The following ZDHHC15 variants were observed in gnomAD, a reference collection of about 807,000 sequenced individuals.
ZDHHC15 encodes the protein zDHHC palmitoyltransferase 15.
A neutral mutation model predicts 31.7 loss-of-function variants in ZDHHC15; 19 were observed. The ratio of observed to expected loss-of-function variants is 0.60; its 90% CI spans 0.42 to 0.88. The LOEUF is 0.88. Among genes scored for constraint, ZDHHC15 ranks in the 40% least tolerant of loss-of-function variants. The pLI is 0.00. For missense variants in ZDHHC15, 209 were observed against 251.2 expected, an observed-to-expected ratio of 0.83 and a Z score of 1.14; for synonymous variants, 103 against 90.0, an observed-to-expected ratio of 1.14 and a Z score of -0.82.
At chrX:75,395,729 G>T (rs2083292985) in intron 10 of ZDHHC15, among the ~76,000 whole-genome samples, 1 of 111,358 alleles carries the variant, frequency 9.0e-6, no homozygotes, top group Non-Finnish European at 1.9e-5. Flanking sequence ...ACCCAGAATA[G>T]CCAAAGCTAT....
At chrX:75,452,112 C>T (rs748593752) in intron 3 of ZDHHC15, among the ~76,000 whole-genome samples, 9 of 108,693 alleles carry the variant, frequency 8.3e-5, no homozygotes, top group Non-Finnish European at 1.5e-4. Flanking sequence ...CAAGACCCAT[C>T]AGAGTGCTGT....
intron 4 of ZDHHC15, among the ~76,000 whole-genome samples, chrX:75,435,454 T>C (rs764254637): frequency 8.9e-6 from 1 of 112,231 alleles, no homozygotes; most frequent in East Asian, 2.8e-4. Context: ...CTTTTCCCCA[T>C]TCAGTATAAT....
chrX:75,428,233 G>A (rs1441241941), intron 7 of ZDHHC15, among the ~76,000 whole-genome samples: 2 of 111,025 alleles, frequency 1.8e-5, no homozygotes, highest in Admixed American at 1.9e-4. Context: ...TTGTGGGGAA[G>A]GGATATCTCC....
At chrX:75,422,054 T>A in intron 8 of ZDHHC15, 64 bp from the exon 9 acceptor site, 1 of 1,127,520 alleles carries the variant, frequency 8.9e-7, no homozygotes, top group Non-Finnish European at 1.2e-6. Context: ...AATTTCAGCA[T>A]AGTCATGATT....
At chrX:75,490,815 T>A (rs1309054235) in intron 2 of ZDHHC15, among the ~76,000 whole-genome samples, 5 of 111,933 alleles carry the variant, frequency 4.5e-5, no homozygotes, top group Non-Finnish European at 9.4e-5. Flanking sequence ...TGTATAAGAA[T>A]GCTTGTGATT....
At chrX:75,419,832 G>A (rs1341535663) in intron 9 of ZDHHC15, among the ~76,000 whole-genome samples, 4 of 105,882 alleles carry the variant, frequency 3.8e-5, no homozygotes, top group South Asian at 8.9e-4. Context: ...CATCATTCTC[G>A]GCAAACTATC....
intron 2 of ZDHHC15, chrX:75,501,491 C>T (rs970237319): frequency 2.7e-5 from 3 of 111,147 alleles, no homozygotes; most frequent in Non-Finnish European, 5.7e-5. Context: ...ATTGCTGGGT[C>T]GAATGGTATT....
chrX:75,453,209 T>C (rs1051333807), intron 3 of ZDHHC15, among the ~76,000 whole-genome samples: 2 of 110,906 alleles, frequency 1.8e-5, no homozygotes, highest in African/African-American at 3.3e-5. Context: ...AAAGGGGATA[T>C]CACCACCGAT....
intron 4 of ZDHHC15, among the ~76,000 whole-genome samples, chrX:75,448,559 T>C (rs1313249032): frequency 8.9e-6 from 1 of 112,231 alleles, no homozygotes; most frequent in Non-Finnish European, 1.9e-5. Context: ...TTTTATATCA[T>C]AGTATTTAGT....
chrX:75,409,347 C>G (rs148616976), intron 10 of ZDHHC15, among the ~76,000 whole-genome samples: 1 of 109,542 alleles, frequency 9.1e-6, no homozygotes, highest in Non-Finnish European at 1.9e-5. Flanking sequence ...AAAAATTAGA[C>G]AGGCATTGTG....
chrX:75,382,949 G>C (rs1196071131), intron 10 of ZDHHC15, among the ~76,000 whole-genome samples: 1 of 111,917 alleles, frequency 8.9e-6, no homozygotes, highest in Non-Finnish European at 1.9e-5. Flanking sequence ...AGAGGTGGGA[G>C]ATGCTTCCCA....
At chrX:75,453,564 G>A (rs1400204187) in intron 3 of ZDHHC15, among the ~76,000 whole-genome samples, 1 of 110,961 alleles carries the variant, frequency 9.0e-6, no homozygotes, top group Non-Finnish European at 1.9e-5. Context: ...TAACACCAAA[G>A]GCTGGCAGTG....
intron 3 of ZDHHC15, among the ~76,000 whole-genome samples, chrX:75,477,873 T>C (rs2084630920): frequency 8.9e-6 from 1 of 112,226 alleles, no homozygotes; most frequent in African/African-American, 3.2e-5. Context: ...TTACTTATTA[T>C]GAATAACTTC....
At position 75,450,603 on chromosome X, in the gene ZDHHC15, A is replaced by T; in HGVS notation, c.379+199T>A. On this transcript the variant is annotated intron_variant, in intron 4 of 11. Coordinates refer to ENST00000373367, the MANE Select transcript of ZDHHC15 (RefSeq NM_144969.3). ...TTAGCAGAAGAATCCAGTTTGGGGT[A>T]TACAGTTTGTTTACTATACAATTCT... The T allele has an allele frequency of 7.3e-6, 6 of 824,148 alleles. No individual in the cohort carries two copies. In the South Asian group the frequency reaches 1.3e-4, roughly 18 times the overall value. 67.9% of individuals were successfully genotyped at this position (824,148 alleles called of 1,213,427 possible).
At chrX:75,451,601 A>G (rs2084119620) in intron 3 of ZDHHC15, among the ~76,000 whole-genome samples, 1 of 111,860 alleles carries the variant, frequency 8.9e-6, no homozygotes, top group South Asian at 3.7e-4. Flanking sequence ...ACTGAGTTGA[A>G]AAAAAGGATC....
Position 75,438,414 on chromosome X carries a change from T to C in ZDHHC15, c.380-6894A>G, listed in dbSNP as rs186357501. Among the ~76,000 whole-genome samples, 376 of 106,410 alleles carry C rather than the reference T, an allele frequency of 3.5e-3. 1 individual carries two copies. The highest frequency in any genetic ancestry group is 0.012 in the African/African-American group (357 of 29,851). The allele number at this position is 106,410 out of a possible 115,157, so 92.4% of individuals were successfully genotyped here. A position where few individuals can be genotyped will look rare whatever the true frequency, so the allele number is the denominator to read the frequency against. On this transcript the variant is annotated intron_variant, in intron 4 of 11. Transcript: ENST00000373367. ...TAACTGTCCTTTTATCATTATATAA[T>C]GTCCCTCTTTGTCTTTTTAAACTGT...
chrX:75,416,997 C>T (rs766846387), intron 10 of ZDHHC15, 90 bp downstream of exon 10: 1 of 727,570 alleles, frequency 1.4e-6, no homozygotes, highest in Non-Finnish European at 2.1e-6. Flanking sequence ...ATGAGGTTGA[C>T]ATGCTTATAA....
intron 4 of ZDHHC15, among the ~76,000 whole-genome samples, chrX:75,446,175 G>C (rs1213262802): frequency 8.9e-6 from 1 of 111,895 alleles, no homozygotes; most frequent in Non-Finnish European, 1.9e-5. Flanking sequence ...GTTGAATCTG[G>C]CCAAATTTAT....
chrX:75,395,171 C>G (rs1251289864), intron 10 of ZDHHC15, among the ~76,000 whole-genome samples: 1 of 111,470 alleles, frequency 9.0e-6, no homozygotes, highest in Non-Finnish European at 1.9e-5. Flanking sequence ...ACTTTCACTA[C>G]TGTGATTCAA....
Sources: gnomAD v4.1 joint callset for allele counts (sites outside exome capture counted in the v4.1 genomes callset) on GRCh38, gnomAD v4.1.1 for gene constraint, MANE v1.5 for transcripts, NCBI Gene and HGNC (gene_info 2026-07-23, HGNC 2026-07-21) for gene names.